The following CFAP20DC variants were observed in gnomAD, a reference collection of about 807,000 sequenced individuals.
CFAP20DC encodes the protein CFAP20 domain containing.
CFAP20DC carries 84 observed loss-of-function variants against 101.7 expected under a neutral mutation model. The ratio of observed to expected loss-of-function variants is 0.83; its 90% CI spans 0.69 to 0.99. The LOEUF is 0.99. Among genes scored for constraint, CFAP20DC ranks in the 50% least tolerant of loss-of-function variants. The probability of loss-of-function intolerance (pLI) is 0.00; values close to 1 mark genes in which losing one functional copy is unlikely to be tolerated. For synonymous variants in CFAP20DC, 359 were observed against 351.2 expected (o/e 1.02, Z -0.25); for missense variants, 1,007 against 970.3 (o/e 1.04, Z -0.50).
chr3:58,870,242 T>G lies in CFAP20DC; in HGVS notation c.783A>C (p.Ala261=). The change falls in exon 8 of 17, where the codon GCA becomes GCC. Residue 261 remains alanine (A), a synonymous_variant. Transcript: ENST00000482387. The part of the protein sequence containing the change: ...NSKNQDVCHI[A]FGSKVLGPPP... ...GTGGCCCAAGAACTTTGGATCCAAA[T>G]GCGATATGACAAACATCTTGATTTT... 2.5e-6 allele frequency: 4 copies of G among 1,614,076 alleles called. No individual in the cohort carries two copies. The highest frequency in any genetic ancestry group is 3.4e-6 in the Non-Finnish European group (4 of 1,179,930).
At chr3:58,918,029 TACTCAAGCC>T (rs2084926501) in intron 5 of CFAP20DC, among the ~76,000 whole-genome samples, 1 of 152,204 alleles carries the variant, frequency 6.6e-6, no homozygotes, top group African/African-American at 2.4e-5. Context: ...CATAGTTTCA[TACTCAAGCC>T]ACTCTTTCAC....
At chr3:58,885,502 C>G (rs2081549902) in intron 6 of CFAP20DC, among the ~76,000 whole-genome samples, 1 of 151,922 alleles carries the variant, frequency 6.6e-6, no homozygotes, top group Non-Finnish European at 1.5e-5. Context: ...ATCTTCCTAT[C>G]TATTTGAAAG....
intron 4 of CFAP20DC, among the ~76,000 whole-genome samples, chr3:59,003,780 C>A (rs535791366): frequency 6.6e-6 from 1 of 152,138 alleles, no homozygotes; most frequent in African/African-American, 2.4e-5. Flanking sequence ...AACTAACTTG[C>A]GGGAAGAAAG....
At chr3:58,784,633 C>T (rs80207275) in intron 15 of CFAP20DC, among the ~76,000 whole-genome samples, 2,629 of 152,066 alleles carry the variant, frequency 0.017, 41 homozygotes, top group Non-Finnish European at 0.025. Context: ...AACATGACAG[C>T]GCATGTGTCT....
chr3:58,765,125 T>C (rs141641158), intron 15 of CFAP20DC, among the ~76,000 whole-genome samples: 402 of 152,302 alleles, frequency 2.6e-3, no homozygotes, highest in Middle Eastern at 0.01. Flanking sequence ...CAGTTACCTA[T>C]AGAACTGAAG....
intron 15 of CFAP20DC, among the ~76,000 whole-genome samples, chr3:58,801,640 A>G (rs1042837368): frequency 2.3e-4 from 35 of 152,160 alleles, no homozygotes; most frequent in African/African-American, 7.9e-4. Context: ...AAAAAACAAA[A>G]CGATACCACC....
Position 58,908,746 on chromosome 3 carries a change from T to C in CFAP20DC, c.550+4962A>G, listed in dbSNP as rs144136062. 2.9e-3 allele frequency among the ~76,000 whole-genome samples: 435 copies of C among 152,302 alleles called. 1 individual carries two copies. The highest frequency in any genetic ancestry group is 9.8e-3 in the African/African-American group (407 of 41,582). On this transcript the variant is annotated intron_variant, in intron 6 of 16. Coordinates refer to ENST00000482387, the MANE Select transcript of CFAP20DC (RefSeq NM_001394063.1). ...CATAATTGCAAAAGCCTGGAAGCAATGAAGATGTCTTTCAATAGGTGAATG... is the reference window on the plus strand; with the variant it reads ...CATAATTGCAAAAGCCTGGAAGCAACGAAGATGTCTTTCAATAGGTGAATG...
chr3:58,850,641 C>G (rs1040367641), intron 12 of CFAP20DC, among the ~76,000 whole-genome samples: 1 of 147,520 alleles, frequency 6.8e-6, no homozygotes, highest in Non-Finnish European at 1.5e-5. Context: ...ACCAACCAAA[C>G]AAAATATATA....
In CFAP20DC at chr3:59,006,445, A is replaced by G. The variant is rs985520323; in HGVS notation, c.278+33112T>C. 6.6e-5 allele frequency among the ~76,000 whole-genome samples: 10 copies of G among 152,238 alleles called. No individual in the cohort carries two copies. Among genetic ancestry groups the G allele is most frequent in the African/African-American group, 1.7e-4 (7 of 41,462 alleles). ...TCACAGATCCTTTGAAAGAAGCAGC[A>G]TGCTGCTGCAAATTCTGCGAGACAG... is the stretch of plus-strand genomic sequence containing the variant. On this transcript the variant is annotated intron_variant, in intron 4 of 16. Transcript: ENST00000482387. This position sits in a 1 kb window ranked among gnomAD's most constrained non-coding sequence, Gnocchi z 4.3.
chr3:58,848,191 A>C (rs1228406971), intron 13 of CFAP20DC, among the ~76,000 whole-genome samples: 3 of 150,128 alleles, frequency 2.0e-5, no homozygotes, highest in Non-Finnish European at 4.4e-5. Flanking sequence ...GGCTTGGTAC[A>C]GAGACTGGTA....
In CFAP20DC at chr3:58,841,221, T is replaced by C. The variant is rs116355500; in HGVS notation, c.1971+7811A>G. Among the ~76,000 whole-genome samples, 879 of 152,296 alleles carry C rather than the reference T, an allele frequency of 5.8e-3. 9 individuals are homozygous for C. The highest frequency in any genetic ancestry group is 0.01 in the Non-Finnish European group (692 of 68,032). ...ACAGGTGTTTTGAAATAATGCAATGTTGTTGTAGCTGAAGGGAGAGAAGGG... is the reference window on the plus strand; with the variant it reads ...ACAGGTGTTTTGAAATAATGCAATGCTGTTGTAGCTGAAGGGAGAGAAGGG... On this transcript the variant is annotated intron_variant, in intron 13 of 16. Transcript: ENST00000482387.
In CFAP20DC at chr3:58,732,012, G is replaced by A. The variant is rs185073468; in HGVS notation, c.198-14384C>T. On this transcript the variant is annotated intron_variant, in intron 3 of 3. Coordinates refer to the CFAP20DC transcript ENST00000486145. This position sits in a 1 kb window ranked among gnomAD's most constrained non-coding sequence, Gnocchi z 5.4. ...ATTTGTAAAGTAGATGAACACAGTT[G>A]CGAGGATTAAATGAGAAAATATGCA... Among the ~76,000 whole-genome samples the A allele has an allele frequency of 6.6e-6, 1 of 152,310 alleles. No homozygotes were observed. The highest frequency in any genetic ancestry group is 1.9e-4 in the East Asian group (1 of 5,190).
intron 16 of CFAP20DC, among the ~76,000 whole-genome samples, chr3:58,751,591 T>G (rs1479611625): frequency 1.3e-5 from 2 of 152,188 alleles, no homozygotes; most frequent in African/African-American, 4.8e-5. Flanking sequence ...TGAGATATTT[T>G]AATTAATGCT....
At chr3:59,022,506 C>A (rs2093820944) in intron 4 of CFAP20DC, among the ~76,000 whole-genome samples, 1 of 151,928 alleles carries the variant, frequency 6.6e-6, no homozygotes, top group South Asian at 2.1e-4. Context: ...TATCAATAAT[C>A]ATATATGGTT....
chr3:58,849,375 G>C lies in CFAP20DC; in HGVS notation c.1628C>G (p.Thr543Arg). 6.5e-7 allele frequency: 1 copy of C among 1,535,186 alleles called. No homozygotes were observed. The highest frequency in any genetic ancestry group is 8.7e-7 in the Non-Finnish European group (1 of 1,146,334). The change falls in exon 13 of 17, where the codon ACA (threonine) becomes AGA (arginine). Residue 543 changes from threonine to arginine, a missense_variant. Physicochemically the swap from Thr to Arg is moderately conservative, Grantham distance 71. Coordinates refer to ENST00000482387, the MANE Select transcript of CFAP20DC (RefSeq NM_001394063.1). ...CTGAGTTAACTCTGAAGGACCAGTT[G>C]TTGGGCCTCGAGAACCCTGGATACT... ...NHSIQGSRGP[T>R]TGPSELTQLT...
intron 4 of CFAP20DC, among the ~76,000 whole-genome samples, chr3:59,005,795 C>T (rs373330883): frequency 7.2e-5 from 11 of 151,976 alleles, no homozygotes; most frequent in South Asian, 6.2e-4. Flanking sequence ...ACATTATTTG[C>T]GAACTAATCA....
At chr3:58,824,695 T>C (rs1198906189) in intron 14 of CFAP20DC, 1 of 152,194 alleles carries the variant, frequency 6.6e-6, no homozygotes, top group African/African-American at 2.4e-5. Context: ...GCAGTTTTAT[T>C]AAGTGTATTT....
rs1387104030 is a variant in CFAP20DC, at chr3:58,859,283, C to T, written c.1593+4275G>A. 6.6e-6 allele frequency among the ~76,000 whole-genome samples: 1 copy of T among 152,200 alleles called. No individual in the cohort carries two copies. Among genetic ancestry groups the T allele is most frequent in the African/African-American group, 2.4e-5 (1 of 41,438 alleles). On this transcript the variant is annotated intron_variant, in intron 12 of 16. Transcript: ENST00000482387. The surrounding 1 kb of genome is among the most constrained non-coding windows in gnomAD (Gnocchi z 4.1). ...CAAATCATAGCATAAGTTACAGGTACTGTGTGGGAAGGGCACAATCATCAT... is the reference window on the plus strand; with the variant it reads ...CAAATCATAGCATAAGTTACAGGTATTGTGTGGGAAGGGCACAATCATCAT...
intron 15 of CFAP20DC, among the ~76,000 whole-genome samples, chr3:58,765,123 T>C (rs1229014959): frequency 2.0e-5 from 3 of 152,204 alleles, no homozygotes; most frequent in African/African-American, 4.8e-5. Flanking sequence ...ATCAGTTACC[T>C]ATAGAACTGA....
Sources: gnomAD v4.1 joint callset for allele counts (sites outside exome capture counted in the v4.1 genomes callset) on GRCh38, gnomAD v4.1.1 for gene constraint, Gnocchi (gnomAD v3.1) non-coding constraint, MANE v1.5 for transcripts, NCBI Gene and HGNC (gene_info 2026-07-23, HGNC 2026-07-21) for gene names.